Variants in SOD2 observed in about 807,000 individuals in gnomAD.
The protein encoded by SOD2 is superoxide dismutase [Mn], mitochondrial.
SOD2 carries 11 observed loss-of-function variants against 27.0 expected under a neutral mutation model. The ratio of observed to expected loss-of-function variants is 0.41; its 90% confidence interval spans 0.26 to 0.67. SOD2 has a LOEUF of 0.67. SOD2 is among the 30% of genes least tolerant of loss of function. SOD2 has a pLI of 0.34. For missense variants in SOD2, 250 were observed against 274.5 expected, an observed-to-expected ratio of 0.91 and a Z score of 0.63; for synonymous variants, 105 against 103.0, an observed-to-expected ratio of 1.02 and a Z score of -0.12.
At chr6:159,685,359 T>C (rs1043612965) in intron 3 of SOD2, among the ~76,000 whole-genome samples, 7 of 151,810 alleles carry the variant, frequency 4.6e-5, no homozygotes, top group African/African-American at 1.4e-4. Flanking sequence ...TCTCCTGCCT[T>C]AGCCTCCCGA....
At chr6:159,753,734 A>G in intron 1 of SOD2, 4 of 1,276,312 alleles carry the variant, frequency 3.1e-6, no homozygotes, top group African/African-American at 1.5e-5. Flanking sequence ...CTATGATTGT[A>G]TATTATTGTG....
chr6:159,692,542 G>A lies in SOD2; in HGVS notation c.226+119C>T, dbSNP rs770145529. On this transcript the variant is annotated intron_variant, in intron 2 of 4. Transcript: ENST00000538183. ...AGAGACTATCGTGCCTGGAAAACTC[G>A]GAACCGGTACAAATACGAAGCGAGT... is the stretch of plus-strand genomic sequence containing the variant. 5 of 1,510,276 alleles carry A rather than the reference G, an allele frequency of 3.3e-6. No individual in the cohort carries two copies. The Admixed American group carries it at 9.4e-5, about 29-fold the overall frequency. 93.6% of individuals were successfully genotyped at this position (1,510,276 alleles called of 1,614,324 possible).
intron 1 of SOD2, chr6:159,761,031 C>CT (rs1337528706): frequency 6.5e-6 from 1 of 153,746 alleles, no homozygotes; most frequent in Admixed American, 6.5e-5. Flanking sequence ...GGCCTACACT[C>CT]TTTACCTTCT....
intron 1 of SOD2, chr6:159,713,667 T>C: frequency 1.0e-6 from 1 of 970,572 alleles, no homozygotes; most frequent in Non-Finnish European, 1.6e-6. Flanking sequence ...GACGAAGCCA[T>C]CGTTGGCAGT....
At chr6:159,751,476 G>T (rs1232247091) in intron 1 of SOD2, among the ~76,000 whole-genome samples, 3 of 152,194 alleles carry the variant, frequency 2.0e-5, no homozygotes, top group Admixed American at 2.0e-4. Flanking sequence ...CATTGTTTTT[G>T]ACAATCTTGC....
rs1405231767 is a variant in SOD2 at position 159,677,544 on chromosome 6, A to G, written c.*4949T>C. The stretch of plus-strand genomic sequence containing the variant: ...GTAAAATATCACCAGAACTTTATGT[A>G]AAATACATCTTGTAAAAGTATGATT... On this transcript the variant is annotated 3_prime_UTR_variant, in exon 5 of 5. Transcript: ENST00000538183. 1.3e-5 allele frequency: 2 copies of G among 152,222 alleles called. No individual in the cohort carries two copies. The highest frequency in any genetic ancestry group is 6.5e-5 in the Admixed American group (1 of 15,278). 9.4% of individuals were successfully genotyped at this position (152,222 alleles called of 1,614,324 possible). A position where few individuals can be genotyped will look rare whatever the true frequency, so the allele number is the denominator to read the frequency against.
At chr6:159,713,255 C>A in intron 1 of SOD2, 1 of 724,818 alleles carries the variant, frequency 1.4e-6, no homozygotes, top group South Asian at 1.7e-5. Flanking sequence ...ATCATTACAG[C>A]CACGATAGTC....
chr6:159,728,867 T>A (rs1463997635), upstream of SOD2, among the ~76,000 whole-genome samples: 1 of 152,204 alleles, frequency 6.6e-6, no homozygotes, highest in Non-Finnish European at 1.5e-5. Context: ...AAGTTCAGTA[T>A]TTTTAGTACT....
chr6:159,728,118 A>G (rs1002314608), upstream of SOD2, among the ~76,000 whole-genome samples: 3 of 152,258 alleles, frequency 2.0e-5, no homozygotes, highest in African/African-American at 7.2e-5. Flanking sequence ...TTCGTTCCCT[A>G]CATTTCATGT....
chr6:159,749,208 ATTCAT>A (rs1779732997), upstream of SOD2: 2 of 985,764 alleles, frequency 2.0e-6, no homozygotes, highest in African/African-American at 3.5e-5. Flanking sequence ...CATTATAAAC[ATTCAT>A]TTCACAACTA....
At chr6:159,719,996 T>A (rs1436325559) in intron 1 of SOD2, among the ~76,000 whole-genome samples, 1 of 151,470 alleles carries the variant, frequency 6.6e-6, no homozygotes, top group Non-Finnish European at 1.5e-5. Context: ...AGTCCTGGGA[T>A]TACAGGCATG....
intron 1 of SOD2, among the ~76,000 whole-genome samples, chr6:159,710,739 A>ATAACCACCT (rs1777721157): frequency 6.9e-6 from 1 of 145,170 alleles, no homozygotes; most frequent in Non-Finnish European, 1.5e-5. Flanking sequence ...TGCTCTGACC[A>ATAACCACCT]CCATAACCAC....
At chr6:159,704,403 T>A (rs1777582792) in intron 1 of SOD2, among the ~76,000 whole-genome samples, 1 of 152,210 alleles carries the variant, frequency 6.6e-6, no homozygotes, top group Non-Finnish European at 1.5e-5. Flanking sequence ...AGACGGCACC[T>A]GGAAAATCGG....
exon 1 of SOD2, chr6:159,762,261 G>T (rs887010740): frequency 1.5e-6 from 2 of 1,340,828 alleles, no homozygotes; most frequent in African/African-American, 3.0e-5. Context: ...AGGCCAAGCC[G>T]CGAGGAGCCG....
intron 1 of SOD2, among the ~76,000 whole-genome samples, chr6:159,733,354 C>G (rs565496316): frequency 6.6e-6 from 1 of 152,132 alleles, no homozygotes; most frequent in Non-Finnish European, 1.5e-5. Context: ...CAGTGGCTCA[C>G]GCCTGTAATG....
At chr6:159,706,166 C>A (rs1777622804) in intron 1 of SOD2, among the ~76,000 whole-genome samples, 1 of 152,100 alleles carries the variant, frequency 6.6e-6, no homozygotes, top group African/African-American at 2.4e-5. Context: ...CAAAAACATG[C>A]CAAATTGTAA....
intron 1 of SOD2, chr6:159,736,355 AGCACTTT>A: frequency 7.4e-7 from 1 of 1,347,408 alleles, no homozygotes; most frequent in African/African-American, 1.5e-5. Context: ...GGCTTTTTTA[AGCACTTT>A]AAAAAAAAAT....
At chr6:159,700,585 C>T (rs887774668) in intron 1 of SOD2, among the ~76,000 whole-genome samples, 3 of 148,388 alleles carry the variant, frequency 2.0e-5, no homozygotes, top group African/African-American at 7.5e-5. Context: ...ACCCAGGAGG[C>T]AGAGCTTGCA....
At chr6:159,736,590 T>A (rs1312168071) in intron 1 of SOD2, 2 of 256,512 alleles carry the variant, frequency 7.8e-6, no homozygotes, top group Non-Finnish European at 1.5e-5. Context: ...CTCTTAATGT[T>A]CATTATGTAA....
Sources: gnomAD v4.1 joint callset for allele counts (sites outside exome capture counted in the v4.1 genomes callset) on GRCh38, gnomAD v4.1.1 for gene constraint, MANE v1.5 for transcripts, NCBI Gene and HGNC (gene_info 2026-07-23, HGNC 2026-07-21) for gene names.